The following MAP3K13 variants were observed in gnomAD, a reference collection of about 807,000 sequenced individuals.
MAP3K13 encodes the protein leucine zipper-bearing kinase.
Under a neutral mutation model 104.0 loss-of-function variants are expected in MAP3K13, and 52 were observed. The observed-to-expected ratio is 0.50, with a 90% CI of 0.40 to 0.63. MAP3K13 has a LOEUF of 0.63. MAP3K13 is among the 20% of genes least tolerant of loss of function. The probability of loss-of-function intolerance (pLI) is 0.00; values close to 1 mark genes in which losing one functional copy is unlikely to be tolerated. For synonymous variants in MAP3K13, 394 were observed against 442.2 expected (o/e 0.89, Z 1.37); for missense variants, 914 against 1,218.5 (o/e 0.75, Z 3.72).
chr3:185,485,237 G>A lies in MAP3K13; in HGVS notation c.*2781G>A, dbSNP rs150028793. The A allele has an allele frequency of 2.0e-4, 31 of 152,262 alleles. No individual in the cohort carries two copies. In the East Asian group the frequency reaches 4.6e-3, roughly 23 times the overall value. 9.4% of individuals were successfully genotyped at this position (152,262 alleles called of 1,614,324 possible). On this transcript the variant is annotated 3_prime_UTR_variant, in exon 14 of 14. Transcript: ENST00000265026. ...GTTTCCGCACAGGGCTCATGGATTC[G>A]TTTCAAGAATTGACAACATAGTTTG...
chr3:185,363,000 C>A, upstream of MAP3K13: 2 of 789,746 alleles, frequency 2.5e-6, no homozygotes, highest in Non-Finnish European at 3.1e-6. Flanking sequence ...GCCAGTCTGT[C>A]TTAAGGCAGT....
Position 185,416,825 on chromosome 3 carries a change from G to T in MAP3K13, c.-85-11672G>T, listed in dbSNP as rs899934153. Among the ~76,000 whole-genome samples the T allele has an allele frequency of 1.4e-4, 21 of 148,400 alleles. No homozygotes were observed. In the Admixed American group the frequency reaches 1.4e-3, roughly 10 times the overall value. On this transcript the variant is annotated intron_variant, in intron 1 of 13. Coordinates refer to ENST00000265026, the MANE Select transcript of MAP3K13 (RefSeq NM_004721.5). Reference sequence around the variant, plus strand: ...TTTTGTAGTAACAGGGTCTCACTGTGTTGCCCAGGCTGGTCTTGAACTCCT... The same window carrying T: ...TTTTGTAGTAACAGGGTCTCACTGTTTTGCCCAGGCTGGTCTTGAACTCCT...
At chr3:185,363,415 C>A in intron 1 of MAP3K13, 47 bp downstream of exon 1, 1 of 884,922 alleles carries the variant, frequency 1.1e-6, no homozygotes, top group Non-Finnish European at 1.4e-6. Context: ...ATTTATTTCA[C>A]AAGGACAGAC....
At chr3:185,369,927 G>A (rs1022903805) in intron 1 of MAP3K13, among the ~76,000 whole-genome samples, 2 of 152,194 alleles carry the variant, frequency 1.3e-5, no homozygotes, top group African/African-American at 4.8e-5. Context: ...TAAGACTGTA[G>A]GAGTCTATGT....
At chr3:185,461,455 A>C (rs561310337) in intron 7 of MAP3K13, among the ~76,000 whole-genome samples, 1 of 152,188 alleles carries the variant, frequency 6.6e-6, no homozygotes, top group Admixed American at 6.6e-5. Context: ...AAAACCTTCT[A>C]TAAATCCACA....
At chr3:185,407,366 A>T (rs1713171457) in intron 1 of MAP3K13, among the ~76,000 whole-genome samples, 1 of 152,178 alleles carries the variant, frequency 6.6e-6, no homozygotes, top group Non-Finnish European at 1.5e-5. Flanking sequence ...TTTCATTTGG[A>T]AACACTCAGG....
intron 7 of MAP3K13, among the ~76,000 whole-genome samples, chr3:185,456,889 C>A (rs1716787404): frequency 6.6e-6 from 1 of 152,152 alleles, no homozygotes; most frequent in Non-Finnish European, 1.5e-5. Flanking sequence ...GTGTGAGCCA[C>A]CGTGCACAGC....
chr3:185,476,443 T>C (rs1718135748), intron 11 of MAP3K13: 2 of 152,018 alleles, frequency 1.3e-5, no homozygotes, highest in Admixed American at 1.3e-4. Context: ...AGGTAAATTA[T>C]TCTCAATATT....
chr3:185,369,628 G>C (rs1396074832), intron 1 of MAP3K13, among the ~76,000 whole-genome samples: 2 of 152,162 alleles, frequency 1.3e-5, no homozygotes, highest in Non-Finnish European at 2.9e-5. Flanking sequence ...GATGTGTTCT[G>C]CTTCTCAGAT....
At chr3:185,292,000 T>C in intron 2 of MAP3K13, 1 of 1,020,832 alleles carries the variant, frequency 9.8e-7, no homozygotes, top group Non-Finnish European at 1.2e-6. Flanking sequence ...TTTTATCATA[T>C]CCTATAAAAA....
chr3:185,346,200 A>G (rs1343590197), intron 2 of MAP3K13, among the ~76,000 whole-genome samples: 1 of 152,208 alleles, frequency 6.6e-6, no homozygotes, highest in Non-Finnish European at 1.5e-5. Flanking sequence ...AGTTAAAATA[A>G]TTTGGTTAAA....
chr3:185,415,775 G>C lies in MAP3K13; in HGVS notation c.-85-12722G>C, dbSNP rs554098652. Among the ~76,000 whole-genome samples the C allele has an allele frequency of 1.1e-4, 17 of 151,830 alleles. No individual in the cohort carries two copies. The East Asian group carries it at 3.3e-3, about 30-fold the overall frequency. On this transcript the variant is annotated intron_variant, in intron 1 of 13. Transcript: ENST00000265026. ...ATTTTGTATTTTTAGTAGAGACGAG[G>C]TTTCTCCATGTTGGTCAGGCTGGTC... is the stretch of plus-strand genomic sequence containing the variant.
intron 2 of MAP3K13, among the ~76,000 whole-genome samples, chr3:185,432,185 C>CTTT (rs11407161): frequency 0.02 from 1,796 of 89,998 alleles, 90 homozygotes; most frequent in African/African-American, 0.039. Context: ...TTTCTAATTG[C>CTTT]TTTTTTTTTT....
chr3:185,432,352 G>A (rs1714793685), intron 2 of MAP3K13, among the ~76,000 whole-genome samples: 5 of 151,936 alleles, frequency 3.3e-5, no homozygotes, highest in Non-Finnish European at 7.4e-5. Flanking sequence ...CACCACGCCT[G>A]GCTAATTTTT....
At chr3:185,455,231 A>G (rs1442010921) in intron 7 of MAP3K13, among the ~76,000 whole-genome samples, 1 of 103,556 alleles carries the variant, frequency 9.7e-6, no homozygotes, top group Non-Finnish European at 1.9e-5. Flanking sequence ...TATGATATAT[A>G]TGAGATATAT....
At chr3:185,354,133 T>G (rs769222422) in intron 2 of MAP3K13, among the ~76,000 whole-genome samples, 2 of 151,984 alleles carry the variant, frequency 1.3e-5, no homozygotes, top group Non-Finnish European at 2.9e-5. Context: ...TGGCCTTGAC[T>G]CAGCCTCACT....
intron 1 of MAP3K13, among the ~76,000 whole-genome samples, chr3:185,412,454 C>T (rs1397221900): frequency 6.6e-6 from 1 of 151,998 alleles, no homozygotes; most frequent in Non-Finnish European, 1.5e-5. Flanking sequence ...ATTGAAACTA[C>T]CCTCAATGAA....
At chr3:185,454,977 G>A (rs867235822) in intron 7 of MAP3K13, among the ~76,000 whole-genome samples, 1 of 45,396 alleles carries the variant, frequency 2.2e-5, no homozygotes, top group African/African-American at 6.4e-5. Context: ...ATATATATAT[G>A]ATATATATGA....
Position 185,428,738 on chromosome 3 carries a change from C to G in MAP3K13, c.157C>G (p.Arg53Gly), listed in dbSNP as rs1305716348. 1 of 1,614,128 alleles carries G rather than the reference C, an allele frequency of 6.2e-7. No individual in the cohort carries two copies. The highest frequency in any genetic ancestry group is 1.3e-5 in the African/African-American group (1 of 75,020). Residue 53 changes from arginine to glycine, a missense_variant, in exon 2 of 14, where the codon CGA becomes GGA. Coordinates refer to ENST00000265026, the MANE Select transcript of MAP3K13 (RefSeq NM_004721.5). ...GGACCAGCAGGAAAAGGGGATGGTA[C>G]GAACAGAGCTAATCGAGAGCGTGCA... ...LEDQQEKGMV[R>G]TELIESVHSP...
Sources: gnomAD v4.1 joint callset for allele counts (sites outside exome capture counted in the v4.1 genomes callset) on GRCh38, gnomAD v4.1.1 for gene constraint, MANE v1.5 for transcripts, NCBI Gene and HGNC (gene_info 2026-07-23, HGNC 2026-07-21) for gene names.